CNTLN: variants seen among roughly 807,000 people sequenced by gnomAD.
The protein encoded by CNTLN is centlein, centrosomal protein.
Under a neutral mutation model 180.0 loss-of-function variants are expected in CNTLN, and 212 were observed. The ratio of observed to expected loss-of-function variants is 1.18; its 90% CI spans 1.05 to 1.32. The LOEUF (loss-of-function observed/expected upper bound fraction) is 1.32, where lower values mean the gene tolerates loss of function less well. Ranked by LOEUF, CNTLN falls within the 40% of genes most tolerant of loss-of-function variation. The pLI, the probability that CNTLN is intolerant of heterozygous loss-of-function variation, is 0.00. For synonymous variants in CNTLN, 722 were observed against 563.1 expected (o/e 1.28, Z -3.99); for missense variants, 2,095 against 1,610.9 (o/e 1.30, Z -5.14).
At chr9:17,451,963 A>G (rs1411948340) in intron 18 of CNTLN, among the ~76,000 whole-genome samples, 3 of 152,172 alleles carry the variant, frequency 2.0e-5, no homozygotes, top group African/African-American at 4.8e-5. Flanking sequence ...AGAAGTAAAG[A>G]GCTATACCCG....
rs1279122212 is a variant in CNTLN at position 17,503,485 on chromosome 9, T to C, written c.*833T>C. The stretch of plus-strand genomic sequence containing the variant: ...TGGTTCCTCTAATTCACCATACTGG[T>C]GCCTGCCTCCCACATTTGCCCTTGG... On this transcript the variant is annotated 3_prime_UTR_variant, in exon 26 of 26. Transcript: ENST00000380647. 2.6e-5 allele frequency: 4 copies of C among 152,250 alleles called. No homozygotes were observed. Among genetic ancestry groups the C allele is most frequent in the African/African-American group, 9.6e-5 (4 of 41,454 alleles). 9.4% of individuals were successfully genotyped at this position (152,250 alleles called of 1,614,324 possible).
At chr9:17,473,295 T>A (rs923499063) in intron 23 of CNTLN, among the ~76,000 whole-genome samples, 1 of 152,158 alleles carries the variant, frequency 6.6e-6, no homozygotes, top group African/African-American at 2.4e-5. Flanking sequence ...AGCCACTCAA[T>A]CTCAGCTGCG....
chr9:17,212,801 G>T (rs1306773866), intron 2 of CNTLN, among the ~76,000 whole-genome samples: 1 of 152,122 alleles, frequency 6.6e-6, no homozygotes, highest in Non-Finnish European at 1.5e-5. Context: ...ATGTGTCCAG[G>T]AATTTATCCA....
chr9:17,465,829 G>C (rs1831713307), intron 21 of CNTLN, 152 bp from the exon 22 acceptor site: 1 of 584,276 alleles, frequency 1.7e-6, no homozygotes, highest in Admixed American at 3.9e-5. Flanking sequence ...TTCATAATAT[G>C]AGTTCTGTAA....
intron 18 of CNTLN, among the ~76,000 whole-genome samples, chr9:17,420,603 T>G (rs1403808767): frequency 1.3e-5 from 2 of 151,884 alleles, no homozygotes; most frequent in African/African-American, 4.8e-5. Context: ...AATTTTGGGT[T>G]TGGTTTGCTC....
chr9:17,247,145 T>C (rs10962939), intron 5 of CNTLN, among the ~76,000 whole-genome samples: 38,139 of 151,964 alleles, frequency 0.25, 6,775 homozygotes, highest in African/African-American at 0.5. Flanking sequence ...TGGTATTTTA[T>C]TAGGTCACAT....
chr9:17,361,658 C>G (rs1159152850), intron 12 of CNTLN, among the ~76,000 whole-genome samples: 1 of 152,178 alleles, frequency 6.6e-6, no homozygotes, highest in East Asian at 1.9e-4. Flanking sequence ...TTTAGACTTC[C>G]TAAACTGCAG....
intron 18 of CNTLN, among the ~76,000 whole-genome samples, chr9:17,441,442 G>A (rs1401975213): frequency 1.3e-5 from 2 of 152,022 alleles, no homozygotes; most frequent in African/African-American, 2.4e-5. Context: ...GTAAACGTAT[G>A]AATATTTTGT....
chr9:17,498,696 C>A (rs540528635), intron 25 of CNTLN, among the ~76,000 whole-genome samples: 44 of 152,300 alleles, frequency 2.9e-4, no homozygotes, highest in African/African-American at 1.0e-3. Context: ...CCAGGAATAT[C>A]ATTTCTCCTT....
chr9:17,492,192 G>C (rs531983732), intron 25 of CNTLN, among the ~76,000 whole-genome samples: 18 of 152,102 alleles, frequency 1.2e-4, no homozygotes, highest in African/African-American at 4.3e-4. Flanking sequence ...TGTGATTACA[G>C]TTAAAAGGAT....
chr9:17,453,777 T>C (rs1830941745), intron 18 of CNTLN, among the ~76,000 whole-genome samples: 1 of 152,192 alleles, frequency 6.6e-6, no homozygotes, highest in Admixed American at 6.5e-5. Context: ...CTCAACTCAT[T>C]GAGGCCTCCC....
At chr9:17,265,436 G>A (rs1325757465) in intron 5 of CNTLN, among the ~76,000 whole-genome samples, 7 of 152,058 alleles carry the variant, frequency 4.6e-5, no homozygotes, top group South Asian at 2.1e-4. Flanking sequence ...TGCTGGATTC[G>A]GTTTGCCAGT....
rs183349270 is a variant in CNTLN, at chr9:17,414,619, C to T, written c.2797-1169C>T. Reference sequence around the variant, plus strand: ...GAAACATTGTTAGGGTTTTATATTTCTGAAACTAATCATTTGAAAGGAAAA... The same window carrying T: ...GAAACATTGTTAGGGTTTTATATTTTTGAAACTAATCATTTGAAAGGAAAA... On this transcript the variant is annotated intron_variant, in intron 16 of 25. Transcript: ENST00000380647. Among the ~76,000 whole-genome samples, 145 of 152,236 alleles carry T rather than the reference C, an allele frequency of 9.5e-4. 1 individual carries two copies. The highest frequency in any genetic ancestry group is 3.2e-3 in the African/African-American group (132 of 41,566).
Position 17,416,050 on chromosome 9 carries a change from A to G in CNTLN, c.2975A>G (p.Gln992Arg). The G allele has an allele frequency of 1.2e-6, 2 of 1,613,676 alleles. No individual in the cohort carries two copies. The highest frequency in any genetic ancestry group is 1.7e-6 in the Non-Finnish European group (2 of 1,179,726). The stretch of plus-strand genomic sequence containing the variant: ...TTACGAGAACGGATTATATCCTTGC[A>G]ACAACAAAACAGTGTACTTCAGAAT... ...ILLRERIISL[Q>R]QQNSVLQNAK... Residue 992 changes from glutamine (Q) to arginine (R), a missense_variant, in exon 18 of 26, where the codon CAA becomes CGA. Transcript: ENST00000380647.
chr9:17,396,544 C>T (rs1374408773), intron 15 of CNTLN, among the ~76,000 whole-genome samples: 1 of 151,836 alleles, frequency 6.6e-6, no homozygotes, highest in Non-Finnish European at 1.5e-5. Flanking sequence ...TTTTTAAATC[C>T]CTAATAGTGA....
intron 12 of CNTLN, among the ~76,000 whole-genome samples, chr9:17,362,321 G>C (rs1823464135): frequency 1.3e-5 from 2 of 151,972 alleles, no homozygotes; most frequent in Non-Finnish European, 2.9e-5. Flanking sequence ...CCTAATCCAA[G>C]CTTAATCATT....
At chr9:17,480,510 TTTAGTATGTACTATA>T (rs1832588013) in intron 23 of CNTLN, among the ~76,000 whole-genome samples, 1 of 152,216 alleles carries the variant, frequency 6.6e-6, no homozygotes. Context: ...CTGCAGTATA[TTTAGTATGTACTATA>T]CTCAGAAATC....
chr9:17,488,498 GTA>G (rs1564147251), intron 25 of CNTLN, among the ~76,000 whole-genome samples: 1 of 152,062 alleles, frequency 6.6e-6, no homozygotes, highest in Non-Finnish European at 1.5e-5. Context: ...AATATGGCCT[GTA>G]TTTATTTGAA....
chr9:17,271,231 G>A (rs1029773447), intron 5 of CNTLN, among the ~76,000 whole-genome samples: 6 of 151,664 alleles, frequency 4.0e-5, no homozygotes, highest in Admixed American at 2.0e-4. Flanking sequence ...GTGAGCCACC[G>A]CGCCCAGCAC....
Sources: allele counts gnomAD v4.1 joint callset (sites outside exome capture counted in the v4.1 genomes callset), GRCh38; gene constraint gnomAD v4.1.1; transcripts MANE v1.5; gene names NCBI Gene and HGNC (gene_info 2026-07-23, HGNC 2026-07-21).